THADA: variants seen among roughly 807,000 people sequenced by gnomAD.
The protein encoded by THADA is tRNA (32-2'-O)-methyltransferase regulator THADA.
In THADA, 213 loss-of-function variants were observed where a neutral mutation model predicts 219.8. The observed-to-expected ratio is 0.97, with a 90% CI of 0.87 to 1.09. THADA has a LOEUF of 1.09. Among genes scored for constraint, THADA ranks in the 50% least tolerant of loss-of-function variants. The probability of loss-of-function intolerance (pLI) is 0.00; values close to 1 mark genes in which losing one functional copy is unlikely to be tolerated. For missense variants in THADA, 2,956 were observed against 2,311.3 expected (o/e 1.28, Z -5.72); for synonymous variants, 1,018 against 828.9 (o/e 1.23, Z -3.92).
Position 43,560,262 on chromosome 2 carries a change from T to G in THADA, c.2435A>C (p.Lys812Thr), listed in dbSNP as rs1697894249. 3.7e-6 allele frequency: 6 copies of G among 1,612,450 alleles called. No homozygotes were observed. The highest frequency in any genetic ancestry group is 1.7e-5 in the Admixed American group (1 of 59,822). Residue 812 changes from lysine to threonine, a missense_variant, in exon 16 of 38, where the codon AAG becomes ACG. Lys to Thr is a moderately conservative substitution (Grantham distance 78). Coordinates refer to ENST00000405975, the MANE Select transcript of THADA (RefSeq NM_022065.5). ...VKILAFDLLMKLSKTAVHFQD... is the reference protein window; with the variant it reads ...VKILAFDLLMTLSKTAVHFQD... ...AAAATGTACAGCTGTTTTTGATAAC[T>G]TCATCAGAAGATCAAATGCTAAAAT... is the stretch of plus-strand genomic sequence containing the variant.
At chr2:43,437,697 T>C (rs1680294066) in intron 26 of THADA, among the ~76,000 whole-genome samples, 1 of 152,230 alleles carries the variant, frequency 6.6e-6, no homozygotes, top group African/African-American at 2.4e-5. Context: ...AGTGAAGCAC[T>C]GACTGCCTTT....
In THADA at chr2:43,470,345, T is replaced by C. The variant is rs981274779; in HGVS notation, c.3836+14889A>G. Among the ~76,000 whole-genome samples the C allele has an allele frequency of 3.3e-5, 5 of 152,170 alleles. No individual in the cohort carries two copies. The East Asian group carries it at 7.7e-4, about 23-fold the overall frequency. Reference sequence around the variant, plus strand: ...ATCTGTAGGAAATAACCCTACACATTAAAACATTTTATACGTAAAGATGCT... The same window carrying C: ...ATCTGTAGGAAATAACCCTACACATCAAAACATTTTATACGTAAAGATGCT... On this transcript the variant is annotated intron_variant, in intron 26 of 37. Coordinates refer to ENST00000405975, the MANE Select transcript of THADA (RefSeq NM_022065.5).
At chr2:43,466,948 C>T (rs534264133) in intron 26 of THADA, among the ~76,000 whole-genome samples, 326 of 150,816 alleles carry the variant, frequency 2.2e-3, no homozygotes, top group Middle Eastern at 3.5e-3. Flanking sequence ...TTTGGGAGGC[C>T]GAGGCGGGCG....
chr2:43,494,301 A>G (rs1337986207), intron 25 of THADA, among the ~76,000 whole-genome samples: 2 of 152,178 alleles, frequency 1.3e-5, no homozygotes, highest in Non-Finnish European at 2.9e-5. Context: ...TTCCCTTGGT[A>G]ATATCATTCA....
At chr2:43,581,596 T>A in intron 8 of THADA, 145 bp downstream of exon 8, 4 of 536,876 alleles carry the variant, frequency 7.5e-6, no homozygotes, top group East Asian at 4.1e-5. Context: ...GTCCAGGGCC[T>A]CCCTCCATTT....
chr2:43,492,673 C>T (rs1221262578), intron 25 of THADA, among the ~76,000 whole-genome samples: 1 of 152,138 alleles, frequency 6.6e-6, no homozygotes, highest in Non-Finnish European at 1.5e-5. Flanking sequence ...ATTCGCCTTC[C>T]ATCACTTCTT....
At chr2:43,580,488 T>C (rs1442861472) in intron 8 of THADA, among the ~76,000 whole-genome samples, 1 of 150,022 alleles carries the variant, frequency 6.7e-6, no homozygotes, top group Non-Finnish European at 1.5e-5. Context: ...CTTTAACTAC[T>C]TTCCTTTCCT....
chr2:43,410,841 A>C (rs1399022640), intron 28 of THADA, among the ~76,000 whole-genome samples: 1 of 152,194 alleles, frequency 6.6e-6, no homozygotes, highest in African/African-American at 2.4e-5. Flanking sequence ...CACTTTAAAC[A>C]TGTGCAGTTT....
chr2:43,370,085 C>T (rs1009076726), intron 29 of THADA: 4 of 152,216 alleles, frequency 2.6e-5, no homozygotes, highest in Non-Finnish European at 4.4e-5. Context: ...AAAGCCACCA[C>T]TCAGTTCAAA....
chr2:43,516,018 T>G (rs1004780364), intron 22 of THADA, among the ~76,000 whole-genome samples: 15 of 152,140 alleles, frequency 9.9e-5, no homozygotes, highest in African/African-American at 3.1e-4. Flanking sequence ...CCAAAAACTT[T>G]GTAGTTATGC....
chr2:43,436,786 G>A (rs1479247755), intron 26 of THADA, among the ~76,000 whole-genome samples: 1 of 152,172 alleles, frequency 6.6e-6, no homozygotes, highest in Non-Finnish European at 1.5e-5. Flanking sequence ...AACTGACGTA[G>A]GGATCTCCCC....
intron 36 of THADA, among the ~76,000 whole-genome samples, chr2:43,279,316 C>A (rs1673077732): frequency 1.3e-5 from 2 of 152,124 alleles, no homozygotes; most frequent in South Asian, 2.1e-4. Context: ...TTAACGTACA[C>A]ATAATCATTT....
chr2:43,357,572 G>A (rs946641159), intron 29 of THADA, among the ~76,000 whole-genome samples: 1 of 152,114 alleles, frequency 6.6e-6, no homozygotes, highest in Non-Finnish European at 1.5e-5. Flanking sequence ...GATGCTCAAG[G>A]ATCATCTTCA....
intron 7 of THADA, among the ~76,000 whole-genome samples, 173 bp from the exon 8 acceptor site, chr2:43,582,101 T>C (rs1252417695): frequency 6.6e-6 from 1 of 152,210 alleles, no homozygotes; most frequent in Non-Finnish European, 1.5e-5. Context: ...TAGACATTAA[T>C]TGCAAACTTT....
At chr2:43,320,615 G>A (rs1400493114) in intron 30 of THADA, 75 bp from the exon 31 acceptor site, 1 of 1,087,554 alleles carries the variant, frequency 9.2e-7, no homozygotes, top group African/African-American at 1.6e-5. Flanking sequence ...GGAGAACATG[G>A]GTATTTTCTA....
At chr2:43,345,975 A>C (rs1291040177) in intron 29 of THADA, among the ~76,000 whole-genome samples, 9 of 152,248 alleles carry the variant, frequency 5.9e-5, no homozygotes, top group Non-Finnish European at 1.3e-4. Flanking sequence ...TATGAAAATC[A>C]GCCTACAATT....
chr2:43,569,807 C>G (rs1305270531), intron 14 of THADA, among the ~76,000 whole-genome samples: 1 of 152,138 alleles, frequency 6.6e-6, no homozygotes. Flanking sequence ...GTGAAAAGCT[C>G]AATCTGTTCT....
At chr2:43,331,438 T>G (rs939741819) in intron 30 of THADA, among the ~76,000 whole-genome samples, 1 of 152,214 alleles carries the variant, frequency 6.6e-6, no homozygotes, top group Non-Finnish European at 1.5e-5. Context: ...TTTAGTGCAT[T>G]TCATGTGCAT....
intron 24 of THADA, among the ~76,000 whole-genome samples, chr2:43,504,882 T>G (rs1026341531): frequency 9.2e-5 from 14 of 152,234 alleles, no homozygotes; most frequent in African/African-American, 2.9e-4. Context: ...AGACTCTGTC[T>G]CAAAAAACAA....
Sources: allele counts gnomAD v4.1 joint callset (sites outside exome capture counted in the v4.1 genomes callset), GRCh38; gene constraint gnomAD v4.1.1; transcripts MANE v1.5; gene names NCBI Gene and HGNC (gene_info 2026-07-23, HGNC 2026-07-21).